The following KCNA6 variants were observed in gnomAD, a reference collection of about 807,000 sequenced individuals.
KCNA6 encodes the protein potassium voltage-gated channel subfamily A member 6.
A neutral mutation model predicts 29.5 loss-of-function variants in KCNA6; 17 were observed. That is an observed-to-expected ratio of 0.58 (90% CI 0.39 to 0.86). KCNA6 has a LOEUF of 0.86. Ranked by LOEUF, KCNA6 falls within the 40% of genes least tolerant of loss-of-function variation. KCNA6 has a pLI of 0.00. For synonymous variants in KCNA6, 296 were observed against 304.7 expected (o/e 0.97, Z 0.30); for missense variants, 450 against 703.4 (o/e 0.64, Z 4.07).
At chr12:4,815,694 T>C (rs1259409225), downstream of KCNA6, among the ~76,000 whole-genome samples, 1 of 152,214 alleles carries the variant, frequency 6.6e-6, no homozygotes, top group Non-Finnish European at 1.5e-5. Flanking sequence ...GTTTTGCTAG[T>C]ATCTGGCTGT....
chr12:4,817,582 A>G (rs2137584151), downstream of KCNA6, among the ~76,000 whole-genome samples: 1 of 152,264 alleles, frequency 6.6e-6, no homozygotes, highest in South Asian at 2.1e-4. Flanking sequence ...GGGTTATCAA[A>G]GCAGCTGCTG....
Position 4,810,139 on chromosome 12 carries a change from G to C in KCNA6, c.98G>C (p.Gly33Ala). 1.2e-6 allele frequency: 2 copies of C among 1,602,494 alleles called. No homozygotes were observed. The highest frequency in any genetic ancestry group is 1.7e-6 in the Non-Finnish European group (2 of 1,174,990). The change falls in exon 1 of 1, where the codon GGG (glycine) becomes GCG (alanine). Residue 33 changes from glycine (G) to alanine (A), a missense_variant. Transcript: ENST00000280684. This position sits in a 1 kb window ranked among gnomAD's most constrained non-coding sequence, Gnocchi z 7.5. ...GCGGGAGACTTCCCGGAGGCCGGCG[G>C]GGGCGGGGGCTGCTGTAGTAGCGAG...
In KCNA6 at chr12:4,810,753, A is replaced by G; in HGVS notation, c.712A>G (p.Ile238Val). ...CGATTCCTACACATTTCATCATGGC[A>G]TCACCCCTGGGGAAATGGGGACCGG... The change falls in exon 1 of 1, where the codon ATC becomes GTC. Residue 238 changes from isoleucine to valine, a missense_variant. Ile to Val is a conservative substitution (Grantham distance 29, BLOSUM62 3). Transcript: ENST00000280684. The surrounding 1 kb of genome is among the most constrained non-coding windows in gnomAD (Gnocchi z 7.5). 1 of 1,606,484 alleles carries G rather than the reference A, an allele frequency of 6.2e-7. No homozygotes were observed. Among genetic ancestry groups the G allele is most frequent in the Non-Finnish European group, 8.5e-7 (1 of 1,176,364 alleles).
chr12:4,843,516 C>T, the KCNA6 span, among the ~76,000 whole-genome samples: 1 of 152,148 alleles, frequency 6.6e-6, no homozygotes, highest in Non-Finnish European at 1.5e-5. Context: ...AATATATGCA[C>T]ACAGTTTGAA....
chr12:4,810,647 T>C lies in KCNA6; in HGVS notation c.606T>C (p.Asp202=), dbSNP rs759389032. 5.0e-6 allele frequency: 8 copies of C among 1,613,480 alleles called. No individual in the cohort carries two copies. The highest frequency in any genetic ancestry group is 1.3e-5 in the African/African-American group (1 of 74,764). Residue 202 remains aspartate, a synonymous_variant, in exon 1 of 1, where the codon GAT becomes GAC. Coordinates refer to ENST00000280684, the Ensembl canonical transcript of KCNA6. The surrounding 1 kb of genome is among the most constrained non-coding windows in gnomAD (Gnocchi z 7.5). ...AGACCTTACCCCAGTTCCGTGTAGA[T>C]GGTCGAGGTGGAAACAATGGTGGTG...
the KCNA6 span, among the ~76,000 whole-genome samples, chr12:4,818,838 GCACACACACACA>G: frequency 6.7e-6 from 1 of 148,640 alleles, no homozygotes; most frequent in African/African-American, 2.5e-5. Context: ...CCCTGAAAGT[GCACACACACACA>G]CACACACACA....
rs1469356238 is a variant in KCNA6 at position 4,811,053 on chromosome 12, C to T, written c.1012C>T (p.Leu338=). 9 of 1,614,208 alleles carry T rather than the reference C, an allele frequency of 5.6e-6. No individual in the cohort carries two copies. The highest frequency in any genetic ancestry group is 7.6e-6 in the Non-Finnish European group (9 of 1,180,038). ...CCAGAATGGGCAGCAGGCCATGTCC[C>T]TGGCCATCCTCCGAGTCATCCGCCT... is the stretch of plus-strand genomic sequence containing the variant. Residue 338 remains leucine, a synonymous_variant, in exon 1 of 1, where the codon CTG becomes TTG. Coordinates refer to ENST00000280684, the Ensembl canonical transcript of KCNA6. The surrounding 1 kb of genome is among the most constrained non-coding windows in gnomAD (Gnocchi z 7.1).
chr12:4,810,122 C>G lies in KCNA6; in HGVS notation c.81C>G (p.Asp27Glu), dbSNP rs1182163035. The change falls in exon 1 of 1, where the codon GAC (aspartate) becomes GAG (glutamate). Residue 27 changes from aspartate to glutamate, a missense_variant. Asp to Glu is a conservative substitution (Grantham distance 45). Coordinates refer to ENST00000280684, the Ensembl canonical transcript of KCNA6. This position sits in a 1 kb window ranked among gnomAD's most constrained non-coding sequence, Gnocchi z 7.5. ...AGGGAGAGCAACAGGATGCGGGAGA[C>G]TTCCCGGAGGCCGGCGGGGGCGGGG... 2 of 1,592,778 alleles carry G rather than the reference C, an allele frequency of 1.3e-6. No homozygotes were observed. The highest frequency in any genetic ancestry group is 1.7e-6 in the Non-Finnish European group (2 of 1,171,476).
At chr12:4,819,621 T>C in the KCNA6 span, among the ~76,000 whole-genome samples, 2 of 152,162 alleles carry the variant, frequency 1.3e-5, no homozygotes, top group Non-Finnish European at 2.9e-5. Context: ...TGACATCTCT[T>C]GTTAGGGGTC....
At chr12:4,821,349 G>GGA in the KCNA6 span, among the ~76,000 whole-genome samples, 1 of 152,046 alleles carries the variant, frequency 6.6e-6, no homozygotes, top group South Asian at 2.1e-4. Context: ...CGTTCACCCA[G>GGA]GAGAGCATAC....
chr12:4,838,941 A>C, the KCNA6 span: 1 of 152,332 alleles, frequency 6.6e-6, no homozygotes, highest in East Asian at 1.9e-4. Context: ...AGGCATCCTG[A>C]GGTGTAGGGC....
rs200547935 is a variant in KCNA6, at chr12:4,811,443, G to C, written c.1402G>C (p.Glu468Gln). Residue 468 changes from glutamate (E) to glutamine (Q), a missense_variant, in exon 1 of 1, where the codon GAG (glutamate) becomes CAG (glutamine). Glu to Gln is a conservative substitution (Grantham distance 29). This residue lies in a region of KCNA6 where 57 missense variants were observed against 140.3 expected (regional missense o/e 0.41). Coordinates refer to ENST00000280684, the Ensembl canonical transcript of KCNA6. This position sits in a 1 kb window ranked among gnomAD's most constrained non-coding sequence, Gnocchi z 7.1. Reference sequence around the variant, plus strand: ...CAACTTCAACTACTTCTACCACCGGGAGACGGAGCAGGAGGAGCAAGGCCA... The same window carrying C: ...CAACTTCAACTACTTCTACCACCGGCAGACGGAGCAGGAGGAGCAAGGCCA... 1 of 1,614,102 alleles carries C rather than the reference G, an allele frequency of 6.2e-7. No homozygotes were observed. The highest frequency in any genetic ancestry group is 8.5e-7 in the Non-Finnish European group (1 of 1,180,044).
Position 4,811,851 on chromosome 12 carries a change from A to G in KCNA6, c.*220A>G, listed in dbSNP as rs1375741179. On this transcript the variant is annotated 3_prime_UTR_variant, in exon 1 of 1. Coordinates refer to ENST00000280684, the Ensembl canonical transcript of KCNA6. The surrounding 1 kb of genome is among the most constrained non-coding windows in gnomAD (Gnocchi z 7.1). ...ATCTAAGTGACATTTTTGAAATTCC[A>G]GCGGTGCCACCCAATCATGCCCAGC... 1 of 569,006 alleles carries G rather than the reference A, an allele frequency of 1.8e-6. No homozygotes were observed. Among genetic ancestry groups the G allele is most frequent in the East Asian group, 3.0e-5 (1 of 33,758 alleles). 35.2% of individuals were successfully genotyped at this position (569,006 alleles called of 1,614,324 possible).
the KCNA6 span, among the ~76,000 whole-genome samples, chr12:4,843,712 G>T: frequency 1.3e-5 from 2 of 152,122 alleles, no homozygotes; most frequent in African/African-American, 2.4e-5. Flanking sequence ...CAAAGTGGGA[G>T]CAGGCAGTTC....
chr12:4,827,784 G>T, the KCNA6 span, among the ~76,000 whole-genome samples: 1 of 152,152 alleles, frequency 6.6e-6, no homozygotes, highest in Non-Finnish European at 1.5e-5. Context: ...GCTCCACCAA[G>T]GTCCTGCTGC....
the KCNA6 span, among the ~76,000 whole-genome samples, chr12:4,822,792 C>T: frequency 6.6e-6 from 1 of 152,160 alleles, no homozygotes; most frequent in African/African-American, 2.4e-5. Context: ...TGACTGGCCA[C>T]CCAGCCACGG....
At chr12:4,830,837 G>A in the KCNA6 span, among the ~76,000 whole-genome samples, 4 of 152,216 alleles carry the variant, frequency 2.6e-5, no homozygotes, top group Non-Finnish European at 4.4e-5. Flanking sequence ...TGCACCCAGG[G>A]AAGAGTTCCA....
the KCNA6 span, among the ~76,000 whole-genome samples, chr12:4,835,482 A>C: frequency 6.6e-6 from 1 of 150,572 alleles, no homozygotes. Context: ...TTTTTCCTCC[A>C]TTTCTCCCTG....
the KCNA6 span, among the ~76,000 whole-genome samples, chr12:4,828,829 A>G: frequency 6.6e-6 from 1 of 152,206 alleles, no homozygotes; most frequent in African/African-American, 2.4e-5. Context: ...TGAAAGAGCT[A>G]AAATGAAGAA....
Sources: gnomAD v4.1 joint callset for allele counts (sites outside exome capture counted in the v4.1 genomes callset) on GRCh38, gnomAD v4.1.1 for gene constraint, gnomAD v4.1.1 regional missense constraint, Gnocchi (gnomAD v3.1) non-coding constraint, MANE v1.5 for transcripts, NCBI Gene and HGNC (gene_info 2026-07-23, HGNC 2026-07-21) for gene names.